NAV2: variants seen among roughly 807,000 people sequenced by gnomAD.
NAV2 encodes neuron navigator 2.
In NAV2, 54 loss-of-function variants were observed where a neutral mutation model predicts 223.2. The observed-to-expected ratio is 0.24, with a 90% confidence interval of 0.19 to 0.30. The LOEUF (loss-of-function observed/expected upper bound fraction) is 0.30. Ranked by LOEUF, NAV2 falls within the 10% of genes least tolerant of loss-of-function variation. The pLI is 1.00. For synonymous variants in NAV2, 1,279 were observed against 1,239.3 expected (o/e 1.03, Z -0.67); for missense variants, 2,806 against 3,147.5 (o/e 0.89, Z 2.60).
chr11:20,111,683 G>A (rs1366478424), intron 36 of NAV2, among the ~76,000 whole-genome samples: 1 of 152,214 alleles, frequency 6.6e-6, no homozygotes, highest in Non-Finnish European at 1.5e-5. Flanking sequence ...GCAGGGAACA[G>A]GAACAGTGCA....
chr11:20,081,080 C>T (rs184082913), intron 25 of NAV2, among the ~76,000 whole-genome samples: 4 of 152,288 alleles, frequency 2.6e-5, no homozygotes, highest in East Asian at 3.9e-4. Context: ...TCATTCTGTA[C>T]ACTTCTCACT....
At chr11:20,083,326 T>C in intron 26 of NAV2, 147 bp downstream of exon 26, 2 of 604,294 alleles carry the variant, frequency 3.3e-6, no homozygotes, top group Non-Finnish European at 5.4e-6. Flanking sequence ...CTTTCAATGC[T>C]TTAGGACTGG....
At chr11:20,070,608 G>A (rs1564981966) in intron 22 of NAV2, among the ~76,000 whole-genome samples, 1 of 152,138 alleles carries the variant, frequency 6.6e-6, no homozygotes, top group Non-Finnish European at 1.5e-5. Flanking sequence ...TGCTGGAAGG[G>A]TGAACATGTT....
At chr11:19,619,825 A>G (rs777994613) in intron 1 of NAV2, among the ~76,000 whole-genome samples, 35 of 152,170 alleles carry the variant, frequency 2.3e-4, no homozygotes, top group Non-Finnish European at 4.9e-4. Context: ...TTAGTCATGA[A>G]GTCCTTGCCC....
At chr11:20,038,601 G>A (rs7126277) in intron 12 of NAV2, among the ~76,000 whole-genome samples, 56,290 of 151,988 alleles carry the variant, frequency 0.37, 10,838 homozygotes, top group Non-Finnish European at 0.42. Flanking sequence ...CTGTCTGAGC[G>A]GCATCAGGCA....
intron 37 of NAV2, among the ~76,000 whole-genome samples, chr11:20,115,673 G>C (rs958781241): frequency 6.7e-6 from 1 of 149,316 alleles, no homozygotes; most frequent in Non-Finnish European, 1.5e-5. Flanking sequence ...GGCTGGGTGT[G>C]GTGGCTCATG....
chr11:20,045,272 T>C lies in NAV2; in HGVS notation c.3504T>C (p.Ser1168=). The C allele has an allele frequency of 1.2e-6, 2 of 1,614,114 alleles. No homozygotes were observed. Among genetic ancestry groups the C allele is most frequent in the Non-Finnish European group, 1.7e-6 (2 of 1,180,010 alleles). ...LVSRSAGRKS[S]MDGAQNQDDG... ...GTCGGTCTGCTGGTCGGAAGTCAAG[T>C]ATGGATGGGGCTCAGAATCAGGATG... Residue 1168 remains serine (S), a synonymous_variant, in exon 14 of 38, where the codon AGT becomes AGC. Coordinates refer to ENST00000349880, the MANE Select transcript of NAV2 (RefSeq NM_145117.5).
chr11:19,520,025 C>T (rs950346691), intron 1 of NAV2: 2 of 152,244 alleles, frequency 1.3e-5, no homozygotes, highest in African/African-American at 2.4e-5. Context: ...AACTCTTTCT[C>T]TCTGGCCCAG....
intron 11 of NAV2, among the ~76,000 whole-genome samples, chr11:20,008,331 C>T (rs1052163120): frequency 6.6e-6 from 1 of 152,086 alleles, no homozygotes; most frequent in Non-Finnish European, 1.5e-5. Context: ...GTACTCCAGC[C>T]TAGGTGAAAA....
Position 20,051,493 on chromosome 11 carries a change from G to A in NAV2, c.4481+160G>A, listed in dbSNP as rs988235348. Among the ~76,000 whole-genome samples, 5 of 152,190 alleles carry A rather than the reference G, an allele frequency of 3.3e-5. No individual in the cohort carries two copies. The East Asian group carries it at 5.8e-4, about 18-fold the overall frequency. ...ATGACGGCTCCCCTTGCACCCTCTC[G>A]TTCTCACTCTCCATTTGTCAGCTTA... On this transcript the variant is annotated intron_variant, in intron 17 of 37. Transcript: ENST00000349880.
intron 1 of NAV2, among the ~76,000 whole-genome samples, chr11:19,485,340 C>A (rs1198515009): frequency 1.3e-5 from 2 of 152,092 alleles, no homozygotes; most frequent in Non-Finnish European, 2.9e-5. Context: ...TTGAGATATC[C>A]AACTGGGTTT....
chr11:19,360,673 T>G (rs1853884504), intron 1 of NAV2, among the ~76,000 whole-genome samples: 1 of 152,050 alleles, frequency 6.6e-6, no homozygotes, highest in Admixed American at 6.5e-5. Flanking sequence ...GAAGAAGGCA[T>G]GAGTGGACAG....
At chr11:19,748,187 C>T (rs1208011605) in intron 1 of NAV2, among the ~76,000 whole-genome samples, 1 of 152,202 alleles carries the variant, frequency 6.6e-6, no homozygotes, top group Non-Finnish European at 1.5e-5. Flanking sequence ...CCAGCTTGTT[C>T]AGAGGCCCTT....
chr11:20,023,756 T>A (rs2054766672), intron 11 of NAV2, among the ~76,000 whole-genome samples: 2 of 149,046 alleles, frequency 1.3e-5, no homozygotes, highest in Middle Eastern at 3.5e-3. Flanking sequence ...CCAGGAGAGA[T>A]GGCATGGGAG....
At chr11:19,397,418 T>TGTGTGTGTGTGC (rs57566081) in intron 1 of NAV2, among the ~76,000 whole-genome samples, 184 of 145,334 alleles carry the variant, frequency 1.3e-3, no homozygotes, top group African/African-American at 2.9e-3. Flanking sequence ...TGTGTGTGTG[T>TGTGTGTGTGTGC]GCGCGCATGT....
At chr11:19,903,668 G>T (rs1476948022) in intron 6 of NAV2, among the ~76,000 whole-genome samples, 2 of 150,620 alleles carry the variant, frequency 1.3e-5, no homozygotes, top group Non-Finnish European at 3.0e-5. Flanking sequence ...AAAAAAAAAA[G>T]TCCTTTGGCT....
intron 22 of NAV2, among the ~76,000 whole-genome samples, chr11:20,075,962 G>T (rs1234844545): frequency 6.6e-6 from 1 of 151,948 alleles, no homozygotes; most frequent in Admixed American, 6.6e-5. Flanking sequence ...GTGTTCTCAG[G>T]TAGTCTCACT....
At chr11:19,906,765 G>A (rs1922392) in intron 6 of NAV2, among the ~76,000 whole-genome samples, 14,635 of 152,230 alleles carry the variant, frequency 0.096, 887 homozygotes, top group Middle Eastern at 0.21. Context: ...GGCCCCTGTG[G>A]CCAAGGAAAG....
chr11:19,389,771 G>A (rs1238538580), intron 1 of NAV2, among the ~76,000 whole-genome samples: 1 of 152,224 alleles, frequency 6.6e-6, no homozygotes, highest in African/African-American at 2.4e-5. Flanking sequence ...GACATCTCAT[G>A]TGTGTTCCTG....
Sources: allele counts gnomAD v4.1 joint callset (sites outside exome capture counted in the v4.1 genomes callset), GRCh38; gene constraint gnomAD v4.1.1; transcripts MANE v1.5; gene names NCBI Gene and HGNC (gene_info 2026-07-23, HGNC 2026-07-21).